The following CACNG2 variants were observed in gnomAD, a reference collection of about 807,000 sequenced individuals.
CACNG2 encodes voltage-dependent calcium channel gamma-2 subunit.
In CACNG2, 3 loss-of-function variants were observed where a neutral mutation model predicts 25.9. The observed-to-expected ratio is 0.12, with a 90% CI of 0.05 to 0.30. The LOEUF is 0.30. CACNG2 is among the 10% of genes least tolerant of loss of function. The probability of loss-of-function intolerance (pLI) is 1.00; values close to 1 mark genes in which losing one functional copy is unlikely to be tolerated. For missense variants in CACNG2, 341 were observed against 432.5 expected (o/e 0.79, Z 1.88); for synonymous variants, 167 against 173.3 (o/e 0.96, Z 0.29).
intron 1 of CACNG2, among the ~76,000 whole-genome samples, chr22:36,659,845 G>A (rs1023492159): frequency 3.3e-5 from 5 of 152,026 alleles, no homozygotes; most frequent in African/African-American, 7.2e-5. Flanking sequence ...TGCCACCCCC[G>A]AGAGGAGGCC....
intron 1 of CACNG2, among the ~76,000 whole-genome samples, chr22:36,667,593 A>G (rs1025392319): frequency 6.6e-6 from 1 of 152,224 alleles, no homozygotes; most frequent in African/African-American, 2.4e-5. Flanking sequence ...CAAAGTAAGC[A>G]TATGCCTAGG....
chr22:36,578,798 G>A (rs1269088214), intron 2 of CACNG2, among the ~76,000 whole-genome samples: 2 of 152,148 alleles, frequency 1.3e-5, no homozygotes, highest in Non-Finnish European at 2.9e-5. Flanking sequence ...TATTCACTTA[G>A]CAAACCTCTC....
intron 1 of CACNG2, among the ~76,000 whole-genome samples, chr22:36,670,094 A>G (rs1478193003): frequency 2.0e-5 from 3 of 152,204 alleles, no homozygotes; most frequent in Non-Finnish European, 4.4e-5. Context: ...AACTAACTAT[A>G]AGATTCCCCT....
chr22:36,667,754 C>T (rs775334819), intron 1 of CACNG2, among the ~76,000 whole-genome samples: 5 of 152,112 alleles, frequency 3.3e-5, no homozygotes, highest in Non-Finnish European at 7.4e-5. Context: ...AGCAAGGGTT[C>T]GTGTTTCTCC....
chr22:36,643,004 TCTCC>T (rs1936462288), intron 1 of CACNG2, among the ~76,000 whole-genome samples: 2 of 149,942 alleles, frequency 1.3e-5, no homozygotes, highest in Non-Finnish European at 3.0e-5. Flanking sequence ...TTCCTTCCTC[TCTCC>T]CTCCCTCCCT....
At chr22:36,614,588 T>C (rs2145944173) in intron 1 of CACNG2, among the ~76,000 whole-genome samples, 1 of 152,318 alleles carries the variant, frequency 6.6e-6, no homozygotes, top group South Asian at 2.1e-4. Flanking sequence ...AGAGGCAGCC[T>C]GTCCACCCTC....
chr22:36,580,568 C>T (rs1004991697), intron 2 of CACNG2, among the ~76,000 whole-genome samples: 1 of 152,106 alleles, frequency 6.6e-6, no homozygotes, highest in Non-Finnish European at 1.5e-5. Context: ...CTGTGTCACA[C>T]CCCCTGGAGG....
chr22:36,700,999 C>A (rs1937404614), intron 1 of CACNG2, among the ~76,000 whole-genome samples: 1 of 152,106 alleles, frequency 6.6e-6, no homozygotes, highest in South Asian at 2.1e-4. Flanking sequence ...GTGGCTTTTG[C>A]TCAGTTTGGG....
In CACNG2 at chr22:36,611,239, G is replaced by A. The variant is rs1008202313; in HGVS notation, c.212-23691C>T. Among the ~76,000 whole-genome samples, 21 of 152,118 alleles carry A rather than the reference G, an allele frequency of 1.4e-4. 1 individual carries two copies. Among genetic ancestry groups the A allele is most frequent in the African/African-American group, 4.8e-4 (20 of 41,426 alleles). ...CTGCCCTCTATAGATTCGGGCTCAA[G>A]GGCACTGCTTTTTGGCATTTCTGGT... On this transcript the variant is annotated intron_variant, in intron 1 of 3. Coordinates refer to ENST00000300105, the MANE Select transcript of CACNG2 (RefSeq NM_006078.5).
At chr22:36,701,393 C>CATA (rs1937409857) in intron 1 of CACNG2, among the ~76,000 whole-genome samples, 1 of 152,128 alleles carries the variant, frequency 6.6e-6, no homozygotes, top group Non-Finnish European at 1.5e-5. Flanking sequence ...CCCAGAAGTA[C>CATA]ATGCCTTCAT....
intron 1 of CACNG2, among the ~76,000 whole-genome samples, chr22:36,655,250 C>T (rs779849817): frequency 9.2e-5 from 14 of 152,098 alleles, no homozygotes; most frequent in South Asian, 4.1e-4. Flanking sequence ...TAGGGTTAGA[C>T]AAATGTAGCC....
chr22:36,644,125 C>T (rs557314825), intron 1 of CACNG2, among the ~76,000 whole-genome samples: 9 of 152,230 alleles, frequency 5.9e-5, no homozygotes, highest in African/African-American at 1.4e-4. Context: ...CCATATGCAA[C>T]GGGAGGACTA....
rs189944522 is a variant in CACNG2, at chr22:36,626,099, T to C, written c.212-38551A>G. On this transcript the variant is annotated intron_variant, in intron 1 of 3. Coordinates refer to ENST00000300105, the MANE Select transcript of CACNG2 (RefSeq NM_006078.5). ...CATGCCCGGCTAACTTTTGTATTTT[T>C]AGTAGAGACGGGGTTTCACCATGTT... 6.1e-3 allele frequency among the ~76,000 whole-genome samples: 929 copies of C among 152,306 alleles called. 14 individuals carry two copies. Among genetic ancestry groups the C allele is most frequent in the African/African-American group, 0.021 (886 of 41,572 alleles).
chr22:36,582,117 T>C (rs1935427421), intron 2 of CACNG2, among the ~76,000 whole-genome samples: 1 of 152,244 alleles, frequency 6.6e-6, no homozygotes, highest in Admixed American at 6.5e-5. Context: ...GCCTAAATTA[T>C]AGCAACAGAG....
At chr22:36,685,726 C>T (rs1325787889) in intron 1 of CACNG2, among the ~76,000 whole-genome samples, 2 of 152,240 alleles carry the variant, frequency 1.3e-5, no homozygotes, top group South Asian at 2.1e-4. Flanking sequence ...GGGACCAAGG[C>T]GGGGAGAGCC....
intron 1 of CACNG2, among the ~76,000 whole-genome samples, chr22:36,613,260 A>G (rs1935973954): frequency 6.6e-6 from 1 of 151,922 alleles, no homozygotes; most frequent in African/African-American, 2.4e-5. Flanking sequence ...CAGTAAATGA[A>G]TCTTGGATTT....
intron 1 of CACNG2, among the ~76,000 whole-genome samples, chr22:36,593,901 G>T (rs1288073691): frequency 2.0e-5 from 3 of 152,082 alleles, no homozygotes; most frequent in African/African-American, 7.2e-5. Flanking sequence ...GGGGGCACTA[G>T]CAGCACTCAA....
chr22:36,669,147 G>A (rs974455366), intron 1 of CACNG2, among the ~76,000 whole-genome samples: 21 of 151,982 alleles, frequency 1.4e-4, no homozygotes, highest in African/African-American at 2.9e-4. Context: ...GCCTGCCTGC[G>A]TCAGTTCTGT....
chr22:36,684,407 G>C (rs183700882), intron 1 of CACNG2, among the ~76,000 whole-genome samples: 181 of 152,120 alleles, frequency 1.2e-3, no homozygotes, highest in Non-Finnish European at 2.1e-3. Flanking sequence ...CTTGAGCTCA[G>C]GAGTTTGAGA....
Sources: allele counts gnomAD v4.1 joint callset (sites outside exome capture counted in the v4.1 genomes callset), GRCh38; gene constraint gnomAD v4.1.1; transcripts MANE v1.5; gene names NCBI Gene and HGNC (gene_info 2026-07-23, HGNC 2026-07-21).